The following SLC35F1 variants were observed in gnomAD, a reference collection of about 807,000 sequenced individuals.
SLC35F1 encodes the protein solute carrier family 35 member F1.
A neutral mutation model predicts 48.7 loss-of-function variants in SLC35F1; 14 were observed. That is an observed-to-expected ratio of 0.29 (90% CI 0.19 to 0.45). The LOEUF (loss-of-function observed/expected upper bound fraction) is 0.45. Ranked by LOEUF, SLC35F1 falls within the 20% of genes least tolerant of loss-of-function variation. The probability of loss-of-function intolerance (pLI) is 1.00; values close to 1 mark genes in which losing one functional copy is unlikely to be tolerated. For synonymous variants in SLC35F1, 190 were observed against 202.2 expected, an observed-to-expected ratio of 0.94 and a Z score of 0.51; for missense variants, 404 against 500.0, an observed-to-expected ratio of 0.81 and a Z score of 1.83.
chr6:118,116,231 C>T (rs748175582), intron 1 of SLC35F1, among the ~76,000 whole-genome samples: 8 of 152,068 alleles, frequency 5.3e-5, no homozygotes, highest in East Asian at 3.9e-4. Flanking sequence ...GAAAGAGAGG[C>T]GACAAAAGAG....
At chr6:118,224,897 A>G (rs1775195247) in intron 2 of SLC35F1, among the ~76,000 whole-genome samples, 1 of 152,098 alleles carries the variant, frequency 6.6e-6, no homozygotes, top group South Asian at 2.1e-4. Context: ...GATACCCTTT[A>G]TCTCTTTATC....
At chr6:117,915,259 C>T (rs1037562418) in intron 1 of SLC35F1, among the ~76,000 whole-genome samples, 12 of 152,094 alleles carry the variant, frequency 7.9e-5, no homozygotes, top group Non-Finnish European at 4.4e-5. Context: ...TCTGATTTTA[C>T]CTTATAAGGC....
At position 118,314,773 on chromosome 6, in the gene SLC35F1, G is replaced by A. The variant is rs1776412296; in HGVS notation, c.*521G>A. ...GAAGTTTCCTTTTCCTAGGGACCTG[G>A]TGGTTAATGGTTTCCTCTGTTACCT... On this transcript the variant is annotated 3_prime_UTR_variant, in exon 8 of 8. Coordinates refer to ENST00000360388, the MANE Select transcript of SLC35F1 (RefSeq NM_001029858.4). The A allele has an allele frequency of 6.3e-6, 1 of 157,880 alleles. No individual in the cohort carries two copies. Among genetic ancestry groups the A allele is most frequent in the African/African-American group, 2.4e-5 (1 of 41,480 alleles). 9.8% of individuals were successfully genotyped at this position (157,880 alleles called of 1,614,324 possible). A position where few individuals can be genotyped will look rare whatever the true frequency, so the allele number is the denominator to read the frequency against.
intron 1 of SLC35F1, among the ~76,000 whole-genome samples, chr6:117,924,893 A>C (rs1460440837): frequency 6.6e-6 from 1 of 152,168 alleles, no homozygotes; most frequent in Non-Finnish European, 1.5e-5. Flanking sequence ...TAAGCCTCTA[A>C]ATGTTAAATG....
chr6:117,957,363 G>T (rs1776440188), intron 1 of SLC35F1, among the ~76,000 whole-genome samples: 1 of 151,918 alleles, frequency 6.6e-6, no homozygotes, highest in South Asian at 2.1e-4. Flanking sequence ...AAGAATTAAA[G>T]AAAAAAGAGC....
intron 2 of SLC35F1, among the ~76,000 whole-genome samples, chr6:118,227,613 C>T (rs1775234961): frequency 1.3e-5 from 2 of 152,070 alleles, no homozygotes; most frequent in African/African-American, 4.8e-5. Context: ...TTTTCCAAAT[C>T]CATATTAGGC....
chr6:118,144,883 A>AT (rs1406736326), intron 1 of SLC35F1, among the ~76,000 whole-genome samples: 5 of 151,754 alleles, frequency 3.3e-5, no homozygotes, highest in Non-Finnish European at 7.4e-5. Flanking sequence ...GCATAATTTT[A>AT]TTTTTCTTTT....
chr6:118,134,147 CAGAAAAAGGAGAAACTG>C (rs1339864757), intron 1 of SLC35F1, among the ~76,000 whole-genome samples: 4 of 152,146 alleles, frequency 2.6e-5, no homozygotes, highest in Non-Finnish European at 5.9e-5. Flanking sequence ...AACAGCACAT[CAGAAAAAGGAGAAACTG>C]CCTGTGCAGG....
intron 1 of SLC35F1, among the ~76,000 whole-genome samples, chr6:117,939,256 A>G (rs1465449117): frequency 6.6e-6 from 1 of 152,150 alleles, no homozygotes; most frequent in East Asian, 1.9e-4. Flanking sequence ...GACATGATTC[A>G]AATGTTTCCA....
intron 7 of SLC35F1, among the ~76,000 whole-genome samples, chr6:118,303,660 G>A (rs184867592): frequency 3.9e-3 from 591 of 152,262 alleles, no homozygotes; most frequent in Non-Finnish European, 4.8e-3. Flanking sequence ...AAAATACTTC[G>A]GAAGCAGTAG....
chr6:117,995,193 C>G (rs1776969246), intron 1 of SLC35F1, among the ~76,000 whole-genome samples: 1 of 152,118 alleles, frequency 6.6e-6, no homozygotes, highest in Admixed American at 6.5e-5. Flanking sequence ...CTTGTGGGTT[C>G]CTTCATTAAA....
intron 4 of SLC35F1, among the ~76,000 whole-genome samples, chr6:118,274,455 G>A (rs867795401): frequency 2.0e-5 from 3 of 152,258 alleles, no homozygotes; most frequent in South Asian, 4.1e-4. Flanking sequence ...GGAGTGAAGT[G>A]GCATGATCTC....
At chr6:118,229,750 T>C (rs930201511) in intron 2 of SLC35F1, among the ~76,000 whole-genome samples, 2 of 152,304 alleles carry the variant, frequency 1.3e-5, no homozygotes, top group Non-Finnish European at 2.9e-5. Context: ...TAAGATAGCA[T>C]TTGTAAAGCA....
chr6:117,915,950 GA>G (rs893509750), intron 1 of SLC35F1, among the ~76,000 whole-genome samples: 20 of 152,222 alleles, frequency 1.3e-4, no homozygotes, highest in Admixed American at 1.0e-3. Flanking sequence ...TTATTTTTGA[GA>G]AGGCACTCAG....
At chr6:118,266,007 T>C (rs1281527739) in intron 3 of SLC35F1, among the ~76,000 whole-genome samples, 1 of 152,228 alleles carries the variant, frequency 6.6e-6, no homozygotes, top group Non-Finnish European at 1.5e-5. Flanking sequence ...AGCAGAGTTA[T>C]AGACCAGCAA....
At chr6:118,106,274 C>A (rs1252349738) in intron 1 of SLC35F1, among the ~76,000 whole-genome samples, 1 of 152,122 alleles carries the variant, frequency 6.6e-6, no homozygotes, top group Non-Finnish European at 1.5e-5. Context: ...TGAATTCTTT[C>A]TCTCTCATGT....
In SLC35F1 at chr6:118,317,290, A is replaced by G. The variant is rs1375159252; in HGVS notation, c.*3038A>G. The G allele has an allele frequency of 6.6e-6, 1 of 152,138 alleles. No homozygotes were observed. Among genetic ancestry groups the G allele is most frequent in the Non-Finnish European group, 1.5e-5 (1 of 68,050 alleles). The allele number at this position is 152,138 out of a possible 1,614,324, so 9.4% of individuals were successfully genotyped here. A position where few individuals can be genotyped will look rare whatever the true frequency, so the allele number is the denominator to read the frequency against. ...AAATACATGACCAGGTGATCAAGCA[A>G]TGGAAAAATTTGCACCACCGTGTCC... On this transcript the variant is annotated 3_prime_UTR_variant, in exon 8 of 8. Transcript: ENST00000360388.
intron 7 of SLC35F1, among the ~76,000 whole-genome samples, chr6:118,310,451 G>T (rs967039036): frequency 2.0e-5 from 3 of 152,040 alleles, no homozygotes; most frequent in Non-Finnish European, 4.4e-5. Context: ...CATTCTATTA[G>T]CCCTGATTCA....
At chr6:118,006,006 A>C (rs1362827713) in intron 1 of SLC35F1, among the ~76,000 whole-genome samples, 1 of 152,132 alleles carries the variant, frequency 6.6e-6, no homozygotes, top group Non-Finnish European at 1.5e-5. Flanking sequence ...TGATTTTATA[A>C]TTTTACAATT....
Sources: gnomAD v4.1 joint callset for allele counts (sites outside exome capture counted in the v4.1 genomes callset) on GRCh38, gnomAD v4.1.1 for gene constraint, MANE v1.5 for transcripts, NCBI Gene and HGNC (gene_info 2026-07-23, HGNC 2026-07-21) for gene names.